The following ANKS1A variants were observed in gnomAD, a reference collection of about 807,000 sequenced individuals.
The protein encoded by ANKS1A is ankyrin repeat and SAM domain-containing protein 1A.
In ANKS1A, 55 loss-of-function variants were observed where a neutral mutation model predicts 120.3. The ratio of observed to expected loss-of-function variants is 0.46; its 90% CI spans 0.37 to 0.57. The LOEUF (loss-of-function observed/expected upper bound fraction) is 0.57. Among genes scored for constraint, ANKS1A ranks in the 20% least tolerant of loss-of-function variants. The pLI is 0.00. For synonymous variants in ANKS1A, 590 were observed against 604.7 expected, an observed-to-expected ratio of 0.98 and a Z score of 0.36; for missense variants, 1,123 against 1,480.3, an observed-to-expected ratio of 0.76 and a Z score of 3.96.
intron 1 of ANKS1A, among the ~76,000 whole-genome samples, chr6:34,916,086 G>A (rs889194230): frequency 1.4e-5 from 2 of 146,434 alleles, no homozygotes; most frequent in Non-Finnish European, 3.0e-5. Flanking sequence ...TCCACCTCCC[G>A]GGTACAAGCA....
chr6:35,084,274 G>A lies in ANKS1A; in HGVS notation c.3132+16G>A. ...CGTGGATGTGGTGGGTGGGGTCCTG[G>A]GGCCGGGTGGGGCAGGCTTGGGTTG... On this transcript the variant is annotated intron_variant, in intron 21 of 23. Transcript: ENST00000360359. This position sits in a 1 kb window ranked among gnomAD's most constrained non-coding sequence, Gnocchi z 4.8. 6.2e-7 allele frequency: 1 copy of A among 1,612,756 alleles called. No homozygotes were observed. The highest frequency in any genetic ancestry group is 1.7e-5 in the Admixed American group (1 of 59,952).
At chr6:34,965,886 A>G (rs1770870777) in intron 1 of ANKS1A, among the ~76,000 whole-genome samples, 1 of 151,916 alleles carries the variant, frequency 6.6e-6, no homozygotes, top group Admixed American at 6.6e-5. Flanking sequence ...AGCTGGGATT[A>G]TAGGTGCACA....
intron 1 of ANKS1A, among the ~76,000 whole-genome samples, chr6:34,958,720 G>A (rs1409564919): frequency 6.6e-6 from 1 of 152,170 alleles, no homozygotes; most frequent in Non-Finnish European, 1.5e-5. Flanking sequence ...GTAGTTACTT[G>A]CAGGTGTCCC....
At position 35,017,991 on chromosome 6, in the gene ANKS1A, T is replaced by A. The variant is rs745771134; in HGVS notation, c.1942T>A (p.Leu648Ile). The A allele has an allele frequency of 6.2e-7, 1 of 1,614,186 alleles. No individual in the cohort carries two copies. Among genetic ancestry groups the A allele is most frequent in the South Asian group, 1.1e-5 (1 of 91,086 alleles). ...TACCATGGGGAGTCGGAGTGAGTCCTTATCCAACTGCAGCATTGGGAAGAA... is the reference window on the plus strand; with the variant it reads ...TACCATGGGGAGTCGGAGTGAGTCCATATCCAACTGCAGCATTGGGAAGAA... ...DATMGSRSES[L>I]SNCSIGKKRL... The change falls in exon 11 of 24, where the codon TTA becomes ATA. Residue 648 changes from leucine (L) to isoleucine (I), a missense_variant. By Grantham distance (5) the Leu-to-Ile change is conservative. Around this residue, in one of 3 missense-constraint regions of ANKS1A, gnomAD observed 904 missense variants for 1,130.4 expected, o/e 0.80. Transcript: ENST00000360359.
intron 12 of ANKS1A, among the ~76,000 whole-genome samples, chr6:35,056,536 C>T (rs1776234245): frequency 1.3e-5 from 2 of 152,208 alleles, no homozygotes; most frequent in Non-Finnish European, 2.9e-5. Flanking sequence ...GATCCACCCT[C>T]CTCGGCCTCC....
At chr6:34,992,399 A>G (rs907541448) in intron 9 of ANKS1A, among the ~76,000 whole-genome samples, 3 of 152,236 alleles carry the variant, frequency 2.0e-5, no homozygotes, top group Non-Finnish European at 4.4e-5. Flanking sequence ...GGAAGTCATC[A>G]GCCCTCTGCT....
intron 1 of ANKS1A, among the ~76,000 whole-genome samples, chr6:34,955,208 C>G (rs1306081384): frequency 6.6e-6 from 1 of 151,600 alleles, no homozygotes; most frequent in African/African-American, 2.4e-5. Context: ...GTGATCTTGG[C>G]TCACTGTGAC....
intron 12 of ANKS1A, among the ~76,000 whole-genome samples, chr6:35,056,724 T>A (rs187972191): frequency 6.6e-6 from 1 of 152,258 alleles, no homozygotes; most frequent in Non-Finnish European, 1.5e-5. Context: ...ATAGTCCAGC[T>A]TGGGAAAGTC....
intron 1 of ANKS1A, among the ~76,000 whole-genome samples, chr6:34,963,849 C>A (rs1338221466): frequency 6.6e-6 from 1 of 152,142 alleles, no homozygotes; most frequent in Admixed American, 6.5e-5. Flanking sequence ...TTTTAATTTG[C>A]ATTTCTCTAA....
intron 7 of ANKS1A, 46 bp downstream of exon 7, chr6:34,983,471 A>T: frequency 2.0e-6 from 3 of 1,475,252 alleles, no homozygotes; most frequent in Non-Finnish European, 2.8e-6. Flanking sequence ...CAGCTTGAAA[A>T]GAGTTGAAAA....
At chr6:34,892,188 C>G (rs929139350) in intron 1 of ANKS1A, among the ~76,000 whole-genome samples, 1 of 152,152 alleles carries the variant, frequency 6.6e-6, no homozygotes, top group Non-Finnish European at 1.5e-5. Flanking sequence ...GCTTCCCAAC[C>G]TCTCATTCCT....
intron 3 of ANKS1A, among the ~76,000 whole-genome samples, chr6:34,975,700 G>A (rs115642731): frequency 5.7e-4 from 87 of 152,130 alleles, no homozygotes; most frequent in African/African-American, 2.0e-3. Flanking sequence ...GGAGGTTGAG[G>A]CTGCAGTGAG....
Position 34,976,777 on chromosome 6 carries a change from CGTGTGT to C in ANKS1A, c.436-4896_436-4891del, listed in dbSNP as rs34002253. On this transcript the variant is annotated intron_variant, in intron 3 of 23. Coordinates refer to ENST00000360359, the MANE Select transcript of ANKS1A (RefSeq NM_015245.3). ...TGCTTTTTCTCTTTCTGTGTGTGTG[CGTGTGT>C]GTGTGTGTGTGTGTGTATGCAATAA... 4.0e-5 allele frequency among the ~76,000 whole-genome samples: 6 copies of C among 149,386 alleles called. No homozygotes were observed. The East Asian group carries it at 5.9e-4, about 15-fold the overall frequency.
At chr6:34,928,336 G>A (rs1400943080) in intron 1 of ANKS1A, among the ~76,000 whole-genome samples, 3 of 152,064 alleles carry the variant, frequency 2.0e-5, no homozygotes, top group South Asian at 2.1e-4. Flanking sequence ...GAAAAGACTC[G>A]GAGCTTCATG....
chr6:34,936,194 G>A (rs1423160803), intron 1 of ANKS1A, among the ~76,000 whole-genome samples: 1 of 152,108 alleles, frequency 6.6e-6, no homozygotes, highest in Non-Finnish European at 1.5e-5. Flanking sequence ...TCTGTAGTGT[G>A]CATTGAAAGA....
chr6:35,071,295 A>C (rs1015618025), intron 13 of ANKS1A, among the ~76,000 whole-genome samples: 1 of 152,228 alleles, frequency 6.6e-6, no homozygotes, highest in Non-Finnish European at 1.5e-5. Flanking sequence ...AATTTCCCCC[A>C]CAAGAGGCAG....
At chr6:34,981,283 C>G (rs1257781019) in intron 3 of ANKS1A, among the ~76,000 whole-genome samples, 2 of 152,172 alleles carry the variant, frequency 1.3e-5, no homozygotes, top group Non-Finnish European at 2.9e-5. Flanking sequence ...AGAATCAGAA[C>G]CATAGGGTTG....
intron 1 of ANKS1A, among the ~76,000 whole-genome samples, chr6:34,901,164 C>G (rs1767333323): frequency 1.3e-5 from 2 of 151,222 alleles, no homozygotes; most frequent in Admixed American, 1.3e-4. Flanking sequence ...GGAAGTGAAT[C>G]TAAACAATTG....
At chr6:34,959,013 C>T (rs1770505479) in intron 1 of ANKS1A, among the ~76,000 whole-genome samples, 1 of 152,202 alleles carries the variant, frequency 6.6e-6, no homozygotes, top group Non-Finnish European at 1.5e-5. Context: ...CTGGATTGGA[C>T]ACTTCTGGCC....
Sources: gnomAD v4.1 joint callset for allele counts (sites outside exome capture counted in the v4.1 genomes callset) on GRCh38, gnomAD v4.1.1 for gene constraint, gnomAD v4.1.1 regional missense constraint, Gnocchi (gnomAD v3.1) non-coding constraint, MANE v1.5 for transcripts, NCBI Gene and HGNC (gene_info 2026-07-23, HGNC 2026-07-21) for gene names.